The following GRID1 variants were observed in gnomAD, a reference collection of about 807,000 sequenced individuals.
GRID1 encodes glutamate ionotropic receptor delta type subunit 1.
GRID1 carries 28 observed loss-of-function variants against 98.0 expected under a neutral mutation model. The observed-to-expected ratio is 0.29, with a 90% CI of 0.21 to 0.39. GRID1 has a LOEUF of 0.39. Among genes scored for constraint, GRID1 ranks in the 10% least tolerant of loss-of-function variants. The pLI, the probability that GRID1 is intolerant of heterozygous loss-of-function variation, is 1.00. For synonymous variants in GRID1, 553 were observed against 538.5 expected (o/e 1.03, Z -0.37); for missense variants, 1,111 against 1,340.5 (o/e 0.83, Z 2.67).
intron 8 of GRID1, among the ~76,000 whole-genome samples, chr10:85,849,247 G>C (rs919830058): frequency 1.3e-5 from 2 of 152,166 alleles, no homozygotes; most frequent in African/African-American, 4.8e-5. Flanking sequence ...AGCTCAGGGA[G>C]GACTGGGGTC....
intron 2 of GRID1, among the ~76,000 whole-genome samples, chr10:86,352,953 T>C (rs576323968): frequency 6.6e-6 from 1 of 152,340 alleles, no homozygotes; most frequent in South Asian, 2.1e-4. Context: ...AGCCTCCTCC[T>C]GACCTTGGCC....
At chr10:85,881,845 G>A (rs1477319801) in intron 5 of GRID1, among the ~76,000 whole-genome samples, 6 of 152,000 alleles carry the variant, frequency 3.9e-5, no homozygotes, top group African/African-American at 7.3e-5. Context: ...GCAACCTACA[G>A]AATGGGAGAA....
chr10:85,857,830 C>T (rs931637537), intron 6 of GRID1, among the ~76,000 whole-genome samples: 2 of 152,216 alleles, frequency 1.3e-5, no homozygotes, highest in African/African-American at 4.8e-5. Context: ...CACCCCTACT[C>T]TCCTCAATAT....
At chr10:86,150,511 A>G (rs1845149876) in intron 3 of GRID1, among the ~76,000 whole-genome samples, 1 of 152,228 alleles carries the variant, frequency 6.6e-6, no homozygotes, top group Non-Finnish European at 1.5e-5. Flanking sequence ...GTGTTTGTCC[A>G]AACAGCCACA....
rs140678847 is a variant in GRID1, at chr10:85,653,117, G to A, written c.1998-5720C>T. 5.3e-5 allele frequency among the ~76,000 whole-genome samples: 8 copies of A among 152,258 alleles called. No homozygotes were observed. The East Asian group carries it at 9.7e-4, about 18-fold the overall frequency. On this transcript the variant is annotated intron_variant, in intron 12 of 15. Transcript: ENST00000327946. Reference sequence around the variant, plus strand: ...TTTTGTTTTTGTTTTGTTTTCCAACGCTTTAAAATGTTTTTAAAAAGGAAA... The same window carrying A: ...TTTTGTTTTTGTTTTGTTTTCCAACACTTTAAAATGTTTTTAAAAAGGAAA...
chr10:86,081,062 T>C (rs1398549512), intron 4 of GRID1, among the ~76,000 whole-genome samples: 1 of 152,150 alleles, frequency 6.6e-6, no homozygotes, highest in East Asian at 1.9e-4. Context: ...TGCCAGCATC[T>C]GCTGCAGAGG....
chr10:85,870,883 C>G (rs772015298), intron 5 of GRID1, among the ~76,000 whole-genome samples: 36 of 152,080 alleles, frequency 2.4e-4, no homozygotes, highest in Non-Finnish European at 4.6e-4. Context: ...TTAAGGGAGA[C>G]AAGGAGCTCT....
chr10:86,214,101 G>A (rs984773827), intron 2 of GRID1, among the ~76,000 whole-genome samples: 1 of 152,104 alleles, frequency 6.6e-6, no homozygotes, highest in Non-Finnish European at 1.5e-5. Flanking sequence ...CACACTAGTG[G>A]ACTGGCCTTT....
At chr10:85,705,189 T>G (rs1245120164) in intron 12 of GRID1, among the ~76,000 whole-genome samples, 4 of 152,122 alleles carry the variant, frequency 2.6e-5, no homozygotes, top group Non-Finnish European at 4.4e-5. Flanking sequence ...GAGCTGGTTG[T>G]TTGAAAAGAT....
chr10:86,216,620 G>T (rs751722902), intron 2 of GRID1, among the ~76,000 whole-genome samples: 1 of 152,184 alleles, frequency 6.6e-6, no homozygotes, highest in Non-Finnish European at 1.5e-5. Flanking sequence ...GGAGTGGTTC[G>T]GGGTCAGAAA....
rs771307096 is a variant in GRID1 at position 85,613,513 on chromosome 10, G to A, written c.2495C>T (p.Ala832Val). Reference sequence around the variant, plus strand: ...AATGGCCAGGATGCAGAAGACCCCGGCGAAGCTGTGCAGCTTGAGGGATTT... The same window carrying A: ...AATGGCCAGGATGCAGAAGACCCCGACGAAGCTGTGCAGCTTGAGGGATTT... ...DGKSLKLHSF[A>V]GVFCILAIGL... Residue 832 changes from alanine (A) to valine (V), a missense_variant, in exon 15 of 16, where the codon GCC (alanine) becomes GTC (valine). Ala to Val is a moderately conservative substitution (Grantham distance 64). This residue lies in a region of GRID1 where 762 missense variants were observed against 869.1 expected (regional missense o/e 0.88). Coordinates refer to ENST00000327946, the MANE Select transcript of GRID1 (RefSeq NM_017551.3). 2 of 1,614,082 alleles carry A rather than the reference G, an allele frequency of 1.2e-6. No homozygotes were observed. The highest frequency in any genetic ancestry group is 2.7e-5 in the African/African-American group (2 of 74,960).
chr10:85,755,065 C>A (rs1459991196), intron 8 of GRID1, among the ~76,000 whole-genome samples: 1 of 152,102 alleles, frequency 6.6e-6, no homozygotes, highest in Non-Finnish European at 1.5e-5. Context: ...GGTTTTTAGT[C>A]TTTTCTTCTC....
At position 86,119,373 on chromosome 10, in the gene GRID1, T is replaced by A. The variant is rs561896878; in HGVS notation, c.726+19446A>T. 2.2e-4 allele frequency among the ~76,000 whole-genome samples: 34 copies of A among 152,040 alleles called. 1 individual carries two copies. The highest frequency in any genetic ancestry group is 4.2e-4 in the South Asian group (2 of 4,798). On this transcript the variant is annotated intron_variant, in intron 4 of 15. Coordinates refer to ENST00000327946, the MANE Select transcript of GRID1 (RefSeq NM_017551.3). ...CAAACAAAAACTAAGAAAACATAAA[T>A]GAAATATAGACTTTAGTTAATAATG...
At position 85,773,035 on chromosome 10, in the gene GRID1, G is replaced by C. The variant is rs560957422; in HGVS notation, c.1234-43421C>G. Among the ~76,000 whole-genome samples, 3 of 152,298 alleles carry C rather than the reference G, an allele frequency of 2.0e-5. No homozygotes were observed. In the East Asian group the frequency reaches 5.8e-4, roughly 29 times the overall value. ...GACAAAACCAAAAAAGACAATTTTAGACCAATATCCTTGATGAACATTGAT... is the reference window on the plus strand; with the variant it reads ...GACAAAACCAAAAAAGACAATTTTACACCAATATCCTTGATGAACATTGAT... On this transcript the variant is annotated intron_variant, in intron 8 of 15. Transcript: ENST00000327946.
intron 4 of GRID1, among the ~76,000 whole-genome samples, chr10:86,130,706 C>T (rs939114821): frequency 8.5e-5 from 13 of 152,224 alleles, no homozygotes; most frequent in African/African-American, 2.9e-4. Context: ...CATTTACCAT[C>T]CTTTAACTTG....
chr10:86,073,472 A>C (rs925662815), intron 4 of GRID1, among the ~76,000 whole-genome samples: 5 of 152,174 alleles, frequency 3.3e-5, no homozygotes, highest in Admixed American at 3.3e-4. Context: ...CCAACAGTAT[A>C]ACTGTCTGGT....
rs1040455135 is a variant in GRID1 at position 86,128,576 on chromosome 10, G to A, written c.726+10243C>T. ...TGGGGAGAGGGAGAGGCCATACCAC[G>A]CCCTGCACAGCAGGCAACAGGGAGG... On this transcript the variant is annotated intron_variant, in intron 4 of 15. Coordinates refer to ENST00000327946, the MANE Select transcript of GRID1 (RefSeq NM_017551.3). Among the ~76,000 whole-genome samples, 19 of 152,040 alleles carry A rather than the reference G, an allele frequency of 1.2e-4. No homozygotes were observed. In the East Asian group the frequency reaches 2.7e-3, roughly 22 times the overall value.
chr10:85,856,283 C>A, intron 6 of GRID1, 93 bp from the exon 7 acceptor site: 1 of 1,121,524 alleles, frequency 8.9e-7, no homozygotes, highest in Non-Finnish European at 1.3e-6. Flanking sequence ...TGCAGGATGC[C>A]AACATTAAGC....
At chr10:86,197,101 T>C (rs1018841582) in intron 3 of GRID1, among the ~76,000 whole-genome samples, 2 of 151,688 alleles carry the variant, frequency 1.3e-5, no homozygotes, top group African/African-American at 4.8e-5. Context: ...CATCAAAAGA[T>C]GAGTAAATGG....
Sources: allele counts gnomAD v4.1 joint callset (sites outside exome capture counted in the v4.1 genomes callset), GRCh38; gene constraint gnomAD v4.1.1; regional missense constraint gnomAD v4.1.1; transcripts MANE v1.5; gene names NCBI Gene and HGNC (gene_info 2026-07-23, HGNC 2026-07-21).